Variants in CRAMP1 observed in about 807,000 individuals in gnomAD.
CRAMP1 encodes the protein protein cramped-like.
A neutral mutation model predicts 115.4 loss-of-function variants in CRAMP1; 50 were observed. That is an observed-to-expected ratio of 0.43 (90% CI 0.35 to 0.55). The LOEUF is 0.55. CRAMP1 is among the 20% of genes least tolerant of loss of function. The pLI is 0.01. For synonymous variants in CRAMP1, 866 were observed against 745.4 expected (o/e 1.16, Z -2.64); for missense variants, 1,679 against 1,721.7 (o/e 0.98, Z 0.44).
chr16:1,662,417 A>G lies in CRAMP1; in HGVS notation c.2414-73A>G. On this transcript the variant is annotated intron_variant, in intron 11 of 20. Transcript: ENST00000397412. ...AGAATGTCTTTCTGACTTTCTTCCC[A>G]ACGGAATTCCGTGACCCTGGACCTG... The G allele has an allele frequency of 2.4e-6, 3 of 1,263,872 alleles. No individual in the cohort carries two copies. The East Asian group carries it at 7.0e-5, about 30-fold the overall frequency. 78.3% of individuals were successfully genotyped at this position (1,263,872 alleles called of 1,614,324 possible).
At chr16:1,632,437 A>G in intron 4 of CRAMP1, 72 bp downstream of exon 4, 1 of 1,448,284 alleles carries the variant, frequency 6.9e-7, no homozygotes, top group Non-Finnish European at 9.3e-7. Context: ...CGCAGCTTCC[A>G]GCAAGCCCGC....
intron 6 of CRAMP1, among the ~76,000 whole-genome samples, chr16:1,642,343 G>C (rs923742446): frequency 2.0e-5 from 3 of 152,208 alleles, no homozygotes; most frequent in Non-Finnish European, 2.9e-5. Context: ...TCCAGTCCCA[G>C]CACAGCAGGT....
At chr16:1,668,467 G>A (rs2036894938) in intron 18 of CRAMP1, among the ~76,000 whole-genome samples, 1 of 152,210 alleles carries the variant, frequency 6.6e-6, no homozygotes, top group African/African-American at 2.4e-5. Context: ...GGGGATCACA[G>A]AGTGTTTTCC....
chr16:1,614,657 C>G lies in CRAMP1; in HGVS notation c.18C>G (p.Gly6=). The stretch of plus-strand genomic sequence containing the variant: ...GCCGCAGGATGACAGTGAAGTTGGG[C>G]GACGGCGGCAGCGGGGAGGACGGGC... MTVKL[G]DGGSGEDGLK... is the part of the protein sequence containing the mutation. Residue 6 remains glycine (G), a synonymous_variant, in exon 2 of 21, where the codon GGC becomes GGG. Coordinates refer to ENST00000397412, the MANE Select transcript of CRAMP1 (RefSeq NM_020825.4). The surrounding 1 kb of genome is among the most constrained non-coding windows in gnomAD (Gnocchi z 4.4). The G allele has an allele frequency of 7.8e-7, 1 of 1,283,354 alleles. No individual in the cohort carries two copies. The highest frequency in any genetic ancestry group is 2.6e-5 in the South Asian group (1 of 38,088). The allele number at this position is 1,283,354 out of a possible 1,614,324, so 79.5% of individuals were successfully genotyped here. A position where few individuals can be genotyped will look rare whatever the true frequency, so the allele number is the denominator to read the frequency against.
chr16:1,634,839 G>A (rs757012032), intron 4 of CRAMP1, among the ~76,000 whole-genome samples: 31 of 152,334 alleles, frequency 2.0e-4, no homozygotes, highest in East Asian at 3.9e-4. Flanking sequence ...CTGTCATTGC[G>A]CATCAAACAG....
Position 1,666,036 on chromosome 16 carries a change from G to C in CRAMP1, c.2753-37G>C. On this transcript the variant is annotated intron_variant, in intron 14 of 20. Coordinates refer to ENST00000397412, the MANE Select transcript of CRAMP1 (RefSeq NM_020825.4). The surrounding 1 kb of genome is among the most constrained non-coding windows in gnomAD (Gnocchi z 5.0). ...ATCCTGCTGTGAGGGCATGGCGGGC[G>C]GGCTCGACATGTCTGCTTTTGCCCT... is the stretch of plus-strand genomic sequence containing the variant. The C allele has an allele frequency of 7.2e-7, 1 of 1,393,432 alleles. No individual in the cohort carries two copies. The highest frequency in any genetic ancestry group is 1.0e-6 in the Non-Finnish European group (1 of 1,004,700). 86.3% of individuals were successfully genotyped at this position (1,393,432 alleles called of 1,614,324 possible).
Position 1,664,757 on chromosome 16 carries a change from T to C in CRAMP1, c.2671-300T>C, listed in dbSNP as rs565758177. On this transcript the variant is annotated intron_variant, in intron 13 of 20. Transcript: ENST00000397412. ...TTGCACCACTGCACTCTAGCCTGGC[T>C]GACAGAGCAAGACACCGTCTCAAAA... Among the ~76,000 whole-genome samples, 9 of 149,634 alleles carry C rather than the reference T, an allele frequency of 6.0e-5. No individual in the cohort carries two copies. The South Asian group carries it at 1.9e-3, about 32-fold the overall frequency.
intron 10 of CRAMP1, among the ~76,000 whole-genome samples, chr16:1,659,386 A>G (rs1339481568): frequency 6.6e-6 from 1 of 151,072 alleles, no homozygotes; most frequent in Non-Finnish European, 1.5e-5. Context: ...TGATTGATTG[A>G]TTGATTTTTT....
In CRAMP1 at chr16:1,666,191, T is replaced by A; in HGVS notation, c.2857+14T>A. On this transcript the variant is annotated intron_variant, in intron 15 of 20. Transcript: ENST00000397412. The surrounding 1 kb of genome is among the most constrained non-coding windows in gnomAD (Gnocchi z 5.0). ...GTCACCTGGCCAGTAAGTCTGTACC[T>A]GCATGGCCACAGCCACTGAGTGAGC... 6.4e-7 allele frequency: 1 copy of A among 1,559,936 alleles called. No individual in the cohort carries two copies. The highest frequency in any genetic ancestry group is 8.8e-7 in the Non-Finnish European group (1 of 1,138,372).
Position 1,676,169 on chromosome 16 carries a change from G to GT in CRAMP1, c.*2128dup, listed in dbSNP as rs2036965894. 6.6e-6 allele frequency: 1 copy of GT among 152,302 alleles called. No homozygotes were observed. Among genetic ancestry groups the GT allele is most frequent in the African/African-American group, 2.4e-5 (1 of 41,460 alleles). 9.4% of individuals were successfully genotyped at this position (152,302 alleles called of 1,614,324 possible). A position where few individuals can be genotyped will look rare whatever the true frequency, so the allele number is the denominator to read the frequency against. ...GCCCCTGACAACTCAGTGGGGTGAA[G>GT]TTTTGGAGGTCAGAGTCTGCTTTCG... On this transcript the variant is annotated 3_prime_UTR_variant, in exon 21 of 21. Transcript: ENST00000397412.
intron 8 of CRAMP1, among the ~76,000 whole-genome samples, chr16:1,654,663 C>T (rs2036754085): frequency 6.6e-6 from 1 of 152,180 alleles, no homozygotes; most frequent in African/African-American, 2.4e-5. Flanking sequence ...TCCATTCTCA[C>T]CCTCCCACGG....
chr16:1,627,927 C>T (rs1467271057), intron 3 of CRAMP1, among the ~76,000 whole-genome samples: 1 of 152,134 alleles, frequency 6.6e-6, no homozygotes, highest in African/African-American at 2.4e-5. Flanking sequence ...GTGGCCCTTC[C>T]TCCTTGGCAA....
intron 6 of CRAMP1, chr16:1,647,025 G>A (rs1287308194): frequency 4.3e-6 from 3 of 702,838 alleles, no homozygotes; most frequent in Non-Finnish European, 7.8e-6. Context: ...GCAGACATTC[G>A]TATTTACAAA....
At chr16:1,652,986 C>G in intron 7 of CRAMP1, 47 bp from the exon 8 acceptor site, 1 of 1,610,378 alleles carries the variant, frequency 6.2e-7, no homozygotes, top group East Asian at 2.2e-5. Flanking sequence ...GGTTTTCTAC[C>G]TTAAGGTTGG....
intron 1 of CRAMP1, among the ~76,000 whole-genome samples, chr16:1,613,087 C>T (rs1305217408): frequency 3.3e-5 from 5 of 151,886 alleles, no homozygotes; most frequent in Non-Finnish European, 7.4e-5. Context: ...CGGACAGGTC[C>T]CTGGGCAGCG....
intron 5 of CRAMP1, among the ~76,000 whole-genome samples, chr16:1,638,985 G>A (rs2036610894): frequency 6.6e-6 from 1 of 151,988 alleles, no homozygotes; most frequent in Admixed American, 6.6e-5. Context: ...TCATGTCCGT[G>A]GGCCTCGTGT....
chr16:1,653,317 G>C (rs1396558741), intron 8 of CRAMP1, among the ~76,000 whole-genome samples, 161 bp downstream of exon 8: 1 of 152,166 alleles, frequency 6.6e-6, no homozygotes, highest in Non-Finnish European at 1.5e-5. Flanking sequence ...TGGAGTCCAG[G>C]GAGCACTGGG....
chr16:1,670,225 C>T (rs2142209741), intron 19 of CRAMP1, among the ~76,000 whole-genome samples: 1 of 151,952 alleles, frequency 6.6e-6, no homozygotes, highest in Non-Finnish European at 1.5e-5. Flanking sequence ...ATGATCACCA[C>T]TGCACTGCAG....
intron 4 of CRAMP1, among the ~76,000 whole-genome samples, chr16:1,636,235 G>A (rs1337220928): frequency 2.0e-5 from 3 of 152,192 alleles, no homozygotes; most frequent in Non-Finnish European, 2.9e-5. Flanking sequence ...GCAGGGCGTG[G>A]TGGCGCATGC....
Sources: gnomAD v4.1 joint callset for allele counts (sites outside exome capture counted in the v4.1 genomes callset) on GRCh38, gnomAD v4.1.1 for gene constraint, Gnocchi (gnomAD v3.1) non-coding constraint, MANE v1.5 for transcripts, NCBI Gene and HGNC (gene_info 2026-07-23, HGNC 2026-07-21) for gene names.